Variants in TENM1 observed in about 807,000 individuals in gnomAD.
TENM1 encodes teneurin transmembrane protein 1, also known as teneurin-1.
TENM1 carries 35 observed loss-of-function variants against 174.8 expected under a neutral mutation model. The observed-to-expected ratio is 0.20, with a 90% CI of 0.15 to 0.27. The LOEUF (loss-of-function observed/expected upper bound fraction) is 0.27, where lower values mean the gene tolerates loss of function less well. Ranked by LOEUF, TENM1 falls within the 10% of genes least tolerant of loss-of-function variation. The pLI is 1.00. For synonymous variants in TENM1, 781 were observed against 798.7 expected (o/e 0.98, Z 0.37); for missense variants, 1,633 against 2,130.1 (o/e 0.77, Z 4.59).
In TENM1 at chrX:124,599,233, T is replaced by C. The variant is rs185163331; in HGVS notation, c.2078-33673A>G. On this transcript the variant is annotated intron_variant, in intron 11 of 31. Transcript: ENST00000422452. ...GAGTGCAAAGGATATGGAAAAGCCA[T>C]GCATCATGTCTTAGTTTGGCATGTG... is the stretch of plus-strand genomic sequence containing the variant. Among the ~76,000 whole-genome samples the C allele has an allele frequency of 7.2e-5, 8 of 111,481 alleles. No homozygotes were observed. The East Asian group carries it at 2.3e-3, about 32-fold the overall frequency.
chrX:124,800,540 A>G (rs149953743), intron 3 of TENM1, among the ~76,000 whole-genome samples: 1,659 of 110,553 alleles, frequency 0.015, 16 homozygotes, highest in Middle Eastern at 0.028. Context: ...AATTTTTTCA[A>G]AAAAACAGCT....
intron 1 of TENM1, among the ~76,000 whole-genome samples, chrX:124,932,832 C>T (rs149665066): frequency 9.0e-6 from 1 of 111,718 alleles, no homozygotes; most frequent in Non-Finnish European, 1.9e-5. Flanking sequence ...AAATAAATTA[C>T]CACCAATTTA....
intron 22 of TENM1, among the ~76,000 whole-genome samples, chrX:124,459,384 G>C (rs773517614): frequency 4.5e-5 from 5 of 111,278 alleles, no homozygotes; most frequent in Non-Finnish European, 7.5e-5. Context: ...CAGCCTTGTG[G>C]AGTAGGTACT....
Position 124,379,562 on chromosome X carries a change from G to A in TENM1, c.*974C>T, listed in dbSNP as rs144828302. 8.4e-4 allele frequency: 93 copies of A among 111,241 alleles called. No individual in the cohort carries two copies. In the East Asian group the frequency reaches 0.021, roughly 25 times the overall value. The allele number at this position is 111,241 out of a possible 1,213,427, so 9.2% of individuals were successfully genotyped here. A position where few individuals can be genotyped will look rare whatever the true frequency, so the allele number is the denominator to read the frequency against. On this transcript the variant is annotated 3_prime_UTR_variant, in exon 32 of 32. Transcript: ENST00000422452. The stretch of plus-strand genomic sequence containing the variant: ...TGCAGTAGTAGTTAATGTATGTATC[G>A]GCATCCCAGACACGTATGCCTGCTA...
chrX:124,680,535 C>A (rs2052208396), intron 5 of TENM1, among the ~76,000 whole-genome samples: 1 of 110,536 alleles, frequency 9.0e-6, no homozygotes, highest in Admixed American at 9.7e-5. Flanking sequence ...ATCAGACAGA[C>A]ACAATTATTT....
At chrX:124,754,491 GTTCTGCTCTGA>G in intron 3 of TENM1, among the ~76,000 whole-genome samples, 1 of 111,130 alleles carries the variant, frequency 9.0e-6, no homozygotes, top group East Asian at 2.8e-4. Flanking sequence ...ATTTCCTTCA[GTTCTGCTCTGA>G]TTTTAGTTAT....
the TENM1 span, among the ~76,000 whole-genome samples, chrX:125,155,788 C>T: frequency 1.1e-4 from 12 of 112,754 alleles, no homozygotes; most frequent in African/African-American, 3.5e-4. Flanking sequence ...CCACCCGGAA[C>T]TCGTTCTGGC....
the TENM1 span, among the ~76,000 whole-genome samples, chrX:125,029,922 C>T: frequency 8.9e-6 from 1 of 111,962 alleles, no homozygotes; most frequent in Non-Finnish European, 1.9e-5. Flanking sequence ...ATATTTGGAA[C>T]AGGATTGAAG....
At chrX:124,471,217 TA>T (rs1359227720) in intron 22 of TENM1, among the ~76,000 whole-genome samples, 14 of 46,587 alleles carry the variant, frequency 3.0e-4, no homozygotes, top group Admixed American at 1.1e-3. Context: ...TACTATATAT[TA>T]TAATATATAG....
chrX:124,463,905 G>A, intron 22 of TENM1, among the ~76,000 whole-genome samples: 1 of 106,017 alleles, frequency 9.4e-6, no homozygotes, highest in Admixed American at 1.0e-4. Flanking sequence ...ATTGGGGTAA[G>A]TAGATGGTGC....
chrX:125,082,912 TCTC>T, the TENM1 span, among the ~76,000 whole-genome samples: 1 of 111,415 alleles, frequency 9.0e-6, no homozygotes, highest in African/African-American at 3.3e-5. Flanking sequence ...ACCTCAAACA[TCTC>T]CTCTTTATGT....
At chrX:125,124,246 T>G in the TENM1 span, among the ~76,000 whole-genome samples, 1 of 112,616 alleles carries the variant, frequency 8.9e-6, no homozygotes, top group South Asian at 3.6e-4. Context: ...CAACCAATTC[T>G]TAATGTTGTT....
At chrX:124,912,104 C>T (rs1317969512) in intron 1 of TENM1, among the ~76,000 whole-genome samples, 1 of 111,553 alleles carries the variant, frequency 9.0e-6, no homozygotes, top group Non-Finnish European at 1.9e-5. Context: ...ATCAGAATCA[C>T]ACAGATTTTC....
chrX:125,203,436 A>C, the TENM1 span, among the ~76,000 whole-genome samples: 1 of 112,120 alleles, frequency 8.9e-6, no homozygotes, highest in Non-Finnish European at 1.9e-5. Flanking sequence ...CGAGGCGAGG[A>C]GGCTCCCTCT....
chrX:124,658,918 T>C (rs1037614915), intron 6 of TENM1, among the ~76,000 whole-genome samples: 18 of 112,150 alleles, frequency 1.6e-4, no homozygotes, highest in African/African-American at 5.8e-4. Flanking sequence ...GACACAATTC[T>C]CTATTTAGAA....
chrX:124,936,024 C>A, intron 1 of TENM1, among the ~76,000 whole-genome samples: 1 of 111,880 alleles, frequency 8.9e-6, no homozygotes, highest in Middle Eastern at 4.6e-3. Flanking sequence ...TCTCTTGTTC[C>A]TTTTTGTATT....
At chrX:125,183,914 C>T in the TENM1 span, among the ~76,000 whole-genome samples, 1 of 111,708 alleles carries the variant, frequency 9.0e-6, no homozygotes, top group East Asian at 2.8e-4. Flanking sequence ...TTCTAAAAAT[C>T]ATACAATGTT....
At chrX:124,550,962 G>T (rs1333142935) in intron 14 of TENM1, among the ~76,000 whole-genome samples, 2 of 111,754 alleles carry the variant, frequency 1.8e-5, no homozygotes, top group Non-Finnish European at 3.8e-5. Flanking sequence ...GCTTCACCAT[G>T]TTGGCCAGGC....
intron 25 of TENM1, among the ~76,000 whole-genome samples, chrX:124,417,298 C>T (rs972591061): frequency 2.7e-5 from 3 of 110,915 alleles, no homozygotes; most frequent in Non-Finnish European, 5.7e-5. Context: ...CAACCTCCAC[C>T]TCCCGGGTTC....
Sources: allele counts gnomAD v4.1 joint callset (sites outside exome capture counted in the v4.1 genomes callset), GRCh38; gene constraint gnomAD v4.1.1; transcripts MANE v1.5; gene names NCBI Gene and HGNC (gene_info 2026-07-23, HGNC 2026-07-21).